The following FGF14 variants were observed in gnomAD, a reference collection of about 807,000 sequenced individuals.
FGF14 encodes the protein fibroblast growth factor homologous factor 4.
In FGF14, 5 loss-of-function variants were observed where a neutral mutation model predicts 25.5. That is an observed-to-expected ratio of 0.20 (90% CI 0.10 to 0.41). FGF14 has a LOEUF of 0.41. FGF14 is among the 10% of genes least tolerant of loss of function. The pLI, the probability that FGF14 is intolerant of heterozygous loss-of-function variation, is 1.00. For synonymous variants in FGF14, 138 were observed against 118.3 expected (o/e 1.17, Z -1.08); for missense variants, 222 against 320.1 (o/e 0.69, Z 2.34).
chr13:102,291,042 C>G (rs2054365508), intron 1 of FGF14, among the ~76,000 whole-genome samples: 3 of 152,082 alleles, frequency 2.0e-5, no homozygotes, highest in Middle Eastern at 6.8e-3. Context: ...AAAATCAAAA[C>G]AAAGAGAGAG....
chr13:102,207,377 C>T (rs968977899), intron 1 of FGF14, among the ~76,000 whole-genome samples: 4 of 151,232 alleles, frequency 2.6e-5, no homozygotes, highest in African/African-American at 9.7e-5. Context: ...ATGCAAGGAC[C>T]CATGAGAAGC....
chr13:102,069,954 C>G (rs1340416717), intron 1 of FGF14, among the ~76,000 whole-genome samples: 1 of 152,168 alleles, frequency 6.6e-6, no homozygotes, highest in Admixed American at 6.5e-5. Context: ...GGGAAATTCT[C>G]CAGGACATTC....
At chr13:102,390,583 G>C (rs568480572) in intron 1 of FGF14, among the ~76,000 whole-genome samples, 1 of 152,162 alleles carries the variant, frequency 6.6e-6, no homozygotes, top group Non-Finnish European at 1.5e-5. Context: ...TCAGTTACTA[G>C]CTAGGTACTC....
chr13:102,208,251 G>C (rs924094774), intron 1 of FGF14, among the ~76,000 whole-genome samples: 15 of 152,272 alleles, frequency 9.9e-5, no homozygotes, highest in African/African-American at 3.1e-4. Context: ...CAAGCCCTTT[G>C]AGGTCCTGGA....
At chr13:101,756,783 C>T (rs1375161902) in intron 3 of FGF14, among the ~76,000 whole-genome samples, 1 of 152,008 alleles carries the variant, frequency 6.6e-6, no homozygotes, top group East Asian at 1.9e-4. Flanking sequence ...AAAAACTGTC[C>T]TAGAAAAGAA....
intron 1 of FGF14, among the ~76,000 whole-genome samples, chr13:102,150,251 T>C (rs1389931203): frequency 6.6e-6 from 1 of 151,878 alleles, no homozygotes; most frequent in African/African-American, 2.4e-5. Context: ...AAGCCCTAAA[T>C]GTCTACATTC....
At chr13:102,128,084 A>G (rs1400805244) in intron 1 of FGF14, among the ~76,000 whole-genome samples, 1 of 149,262 alleles carries the variant, frequency 6.7e-6, no homozygotes, top group Non-Finnish European at 1.5e-5. Context: ...TGCGGTCTTC[A>G]CTCCACATCC....
At chr13:101,897,841 A>G (rs1211069137) in intron 1 of FGF14, among the ~76,000 whole-genome samples, 1 of 152,194 alleles carries the variant, frequency 6.6e-6, no homozygotes, top group South Asian at 2.1e-4. Context: ...CATGATGTTC[A>G]ATGGTTATGC....
intron 1 of FGF14, among the ~76,000 whole-genome samples, chr13:102,192,502 A>C (rs1296585326): frequency 6.6e-6 from 1 of 151,736 alleles, no homozygotes; most frequent in Non-Finnish European, 1.5e-5. Context: ...CAAATCTTCA[A>C]CTCTGGTTCC....
chr13:102,271,728 C>T (rs1429342699), intron 1 of FGF14, among the ~76,000 whole-genome samples: 1 of 152,178 alleles, frequency 6.6e-6, no homozygotes, highest in Non-Finnish European at 1.5e-5. Context: ...CAATCGCTAT[C>T]ATCGAGCACT....
chr13:102,065,539 A>G (rs1290811453), intron 1 of FGF14, among the ~76,000 whole-genome samples: 2 of 152,240 alleles, frequency 1.3e-5, no homozygotes, highest in East Asian at 3.9e-4. Flanking sequence ...AAAATACAAA[A>G]AAGAGCAAAA....
chr13:102,257,481 A>G (rs2052505498), intron 1 of FGF14, among the ~76,000 whole-genome samples: 1 of 149,614 alleles, frequency 6.7e-6, no homozygotes, highest in Admixed American at 6.7e-5. Context: ...GAGCCTGAGT[A>G]GTTGGGACTA....
chr13:102,393,845 A>G (rs1288463737), intron 1 of FGF14: 1 of 152,196 alleles, frequency 6.6e-6, no homozygotes, highest in Non-Finnish European at 1.5e-5. Flanking sequence ...TAAAAGGAAC[A>G]GGTTGTTTGT....
At chr13:102,334,454 T>A (rs1181200640) in intron 1 of FGF14, among the ~76,000 whole-genome samples, 2 of 152,066 alleles carry the variant, frequency 1.3e-5, no homozygotes, top group African/African-American at 4.8e-5. Flanking sequence ...GCCAGAAAAA[T>A]TCTCTGCAGC....
chr13:101,812,256 T>C (rs2041552963), intron 3 of FGF14, among the ~76,000 whole-genome samples: 2 of 152,154 alleles, frequency 1.3e-5, no homozygotes, highest in Non-Finnish European at 2.9e-5. Flanking sequence ...TGATAAATTT[T>C]AGACTTTAGA....
At chr13:102,224,998 CCTGAAGAGGAGCCCTT>C (rs902795643) in intron 1 of FGF14, among the ~76,000 whole-genome samples, 1 of 152,056 alleles carries the variant, frequency 6.6e-6, no homozygotes, top group Non-Finnish European at 1.5e-5. Context: ...AGCAGAATTC[CCTGAAGAGGAGCCCTT>C]CTGAGGGTCA....
chr13:101,808,342 CTGTGCTTCTTTA>C (rs2041315887), intron 3 of FGF14, among the ~76,000 whole-genome samples: 1 of 151,926 alleles, frequency 6.6e-6, no homozygotes, highest in Admixed American at 6.6e-5. Context: ...CATCTTCTTT[CTGTGCTTCTTTA>C]CCTATACCAT....
At chr13:101,889,793 TGAGA>T (rs962822083) in intron 1 of FGF14, among the ~76,000 whole-genome samples, 1 of 152,222 alleles carries the variant, frequency 6.6e-6, no homozygotes, top group Non-Finnish European at 1.5e-5. Flanking sequence ...GTCTGGTTAA[TGAGA>T]GAGAGTTGAT....
At chr13:102,333,955 C>A (rs1308552866) in intron 1 of FGF14, among the ~76,000 whole-genome samples, 1 of 152,092 alleles carries the variant, frequency 6.6e-6, no homozygotes, top group Non-Finnish European at 1.5e-5. Context: ...TGACAGCAAT[C>A]TAAAAGAGAA....
Sources: gnomAD v4.1 joint callset for allele counts (sites outside exome capture counted in the v4.1 genomes callset) on GRCh38, gnomAD v4.1.1 for gene constraint, MANE v1.5 for transcripts, NCBI Gene and HGNC (gene_info 2026-07-23, HGNC 2026-07-21) for gene names.